The following LCP1 variants were observed in gnomAD, a reference collection of about 807,000 sequenced individuals.
The protein encoded by LCP1 is lymphocyte cytosolic protein 1, also known as plastin-2.
Under a neutral mutation model 72.0 loss-of-function variants are expected in LCP1, and 23 were observed. That is an observed-to-expected ratio of 0.32 (90% confidence interval 0.23 to 0.45). The LOEUF (loss-of-function observed/expected upper bound fraction) is 0.45. Among genes scored for constraint, LCP1 ranks in the 20% least tolerant of loss-of-function variants. The pLI is 1.00. For synonymous variants in LCP1, 245 were observed against 275.4 expected (o/e 0.89, Z 1.09); for missense variants, 571 against 748.3 (o/e 0.76, Z 2.76).
chr13:46,177,596 C>T (rs558074693), intron 1 of LCP1, among the ~76,000 whole-genome samples: 15 of 152,210 alleles, frequency 9.9e-5, no homozygotes, highest in African/African-American at 2.9e-4. Flanking sequence ...GCCGAGATCA[C>T]GCAACTGTAC....
At chr13:46,175,189 G>T (rs542717476) in intron 1 of LCP1, among the ~76,000 whole-genome samples, 1 of 152,172 alleles carries the variant, frequency 6.6e-6, no homozygotes, top group Non-Finnish European at 1.5e-5. Context: ...TCTTTCAAGC[G>T]TTTGGCATGA....
At chr13:46,151,875 C>A (rs955055604) in intron 7 of LCP1, among the ~76,000 whole-genome samples, 1 of 152,208 alleles carries the variant, frequency 6.6e-6, no homozygotes, top group African/African-American at 2.4e-5. Flanking sequence ...TGATACTTAT[C>A]AAGGTGGGCT....
In LCP1 at chr13:46,154,599, A is replaced by G. The variant is rs537480439; in HGVS notation, c.573+206T>C. ...TCCTAAGTGGCCAAAACAAACATACAAAGCCCCAGCTGCTACCACTCCACC... is the reference window on the plus strand; with the variant it reads ...TCCTAAGTGGCCAAAACAAACATACGAAGCCCCAGCTGCTACCACTCCACC... On this transcript the variant is annotated intron_variant, in intron 6 of 15. Transcript: ENST00000323076. Among the ~76,000 whole-genome samples the G allele has an allele frequency of 3.9e-5, 6 of 152,350 alleles. No individual in the cohort carries two copies. In the South Asian group the frequency reaches 1.2e-3, roughly 32 times the overall value.
At chr13:46,142,504 A>T in intron 12 of LCP1, 79 bp from the exon 13 acceptor site, 1 of 1,454,794 alleles carries the variant, frequency 6.9e-7, no homozygotes, top group Non-Finnish European at 9.4e-7. Context: ...AAAAATAAAG[A>T]TAAAAAATGA....
intron 8 of LCP1, 63 bp downstream of exon 8, chr13:46,150,873 T>C (rs1321689812): frequency 6.5e-7 from 1 of 1,537,252 alleles, no homozygotes; most frequent in African/African-American, 1.4e-5. Context: ...ATCTTTTCTT[T>C]ATTATTGCCC....
At chr13:46,128,452 GC>G (rs1266149301) in intron 15 of LCP1, among the ~76,000 whole-genome samples, 10 of 152,076 alleles carry the variant, frequency 6.6e-5, no homozygotes, top group Admixed American at 2.0e-4. Flanking sequence ...CAAAAAATTA[GC>G]CAGGCGTGGT....
chr13:46,135,483 G>A (rs1315860142), intron 13 of LCP1, among the ~76,000 whole-genome samples: 3 of 152,130 alleles, frequency 2.0e-5, no homozygotes, highest in Non-Finnish European at 2.9e-5. Context: ...CAGTTCTCCC[G>A]TGACTTTCCA....
At chr13:46,152,201 C>T (rs1164159051) in intron 7 of LCP1, among the ~76,000 whole-genome samples, 2 of 152,006 alleles carry the variant, frequency 1.3e-5, no homozygotes, top group African/African-American at 4.8e-5. Flanking sequence ...CTATCTCTTT[C>T]TTTCTTTCTT....
chr13:46,168,107 A>C (rs2045886405), intron 1 of LCP1, among the ~76,000 whole-genome samples: 1 of 152,232 alleles, frequency 6.6e-6, no homozygotes, highest in African/African-American at 2.4e-5. Context: ...CAAAATGGAA[A>C]TAACTGGCAG....
chr13:46,149,428 G>T (rs1373593023), intron 8 of LCP1, among the ~76,000 whole-genome samples: 2 of 152,152 alleles, frequency 1.3e-5, no homozygotes, highest in Non-Finnish European at 2.9e-5. Flanking sequence ...GTCACATGCA[G>T]GTGTCAGGCA....
intron 7 of LCP1, among the ~76,000 whole-genome samples, chr13:46,151,683 G>A (rs975318534): frequency 6.6e-6 from 1 of 151,912 alleles, no homozygotes; most frequent in East Asian, 1.9e-4. Flanking sequence ...CCTCTCCCCC[G>A]CCTTCTTTAT....
At chr13:46,146,548 T>C (rs1368304749) in intron 10 of LCP1, among the ~76,000 whole-genome samples, 2 of 152,168 alleles carry the variant, frequency 1.3e-5, no homozygotes, top group Non-Finnish European at 2.9e-5. Context: ...TTTTTGGAAA[T>C]GGATGGTGGC....
chr13:46,136,691 C>T (rs2045667038), intron 13 of LCP1, among the ~76,000 whole-genome samples: 1 of 152,070 alleles, frequency 6.6e-6, no homozygotes, highest in Admixed American at 6.5e-5. Context: ...AGATAGCATG[C>T]ATATTAAGTT....
chr13:46,162,976 G>A (rs937962172), intron 1 of LCP1, among the ~76,000 whole-genome samples: 1 of 150,612 alleles, frequency 6.6e-6, no homozygotes, highest in Non-Finnish European at 1.5e-5. Context: ...AGTGAGGAGC[G>A]TCTCCAGCCG....
chr13:46,180,637 G>C lies in LCP1; in HGVS notation c.-25+1474C>G, dbSNP rs114813970. 2.8e-3 allele frequency among the ~76,000 whole-genome samples: 427 copies of C among 152,318 alleles called. 3 individuals are homozygous for C. The highest frequency in any genetic ancestry group is 9.5e-3 in the African/African-American group (395 of 41,556). Reference sequence around the variant, plus strand: ...CCCTGATGTTCCTGGGGGTGAGCTAGAATGAAGAGGAATATCTTTGTAACA... The same window carrying C: ...CCCTGATGTTCCTGGGGGTGAGCTACAATGAAGAGGAATATCTTTGTAACA... On this transcript the variant is annotated intron_variant, in intron 1 of 15. Transcript: ENST00000323076.
At chr13:46,172,846 T>C (rs2045911124) in intron 1 of LCP1, among the ~76,000 whole-genome samples, 1 of 152,192 alleles carries the variant, frequency 6.6e-6, no homozygotes, top group East Asian at 1.9e-4. Context: ...GAACTGAACA[T>C]GTTAGAATGG....
chr13:46,156,865 A>T (rs1384748128), intron 4 of LCP1, among the ~76,000 whole-genome samples: 1 of 148,324 alleles, frequency 6.7e-6, no homozygotes, highest in Non-Finnish European at 1.5e-5. Context: ...AGTGTCACCC[A>T]GGCTGGAGTG....
chr13:46,157,652 C>G (rs536496758), intron 4 of LCP1, among the ~76,000 whole-genome samples: 6 of 151,956 alleles, frequency 3.9e-5, no homozygotes, highest in Non-Finnish European at 8.8e-5. Flanking sequence ...CACATTTGAC[C>G]CAGCAAAGGT....
intron 1 of LCP1, among the ~76,000 whole-genome samples, chr13:46,163,018 G>GGT (rs1386858625): frequency 1.4e-5 from 2 of 147,614 alleles, no homozygotes; most frequent in African/African-American, 4.9e-5. Context: ...GAGGTGGGGG[G>GGT]CAGCCCCCGC....
Sources: gnomAD v4.1 joint callset for allele counts (sites outside exome capture counted in the v4.1 genomes callset) on GRCh38, gnomAD v4.1.1 for gene constraint, MANE v1.5 for transcripts, NCBI Gene and HGNC (gene_info 2026-07-23, HGNC 2026-07-21) for gene names.